The following JPH3 variants were observed in gnomAD, a reference collection of about 807,000 sequenced individuals.
JPH3 encodes the protein junctophilin 3, also known as junctophilin-3.
In JPH3, 11 loss-of-function variants were observed where a neutral mutation model predicts 59.6. The ratio of observed to expected loss-of-function variants is 0.18; its 90% CI spans 0.12 to 0.31. The LOEUF is 0.31. Ranked by LOEUF, JPH3 falls within the 10% of genes least tolerant of loss-of-function variation. The pLI is 1.00. For missense variants in JPH3, 1,202 were observed against 1,105.7 expected, an observed-to-expected ratio of 1.09 and a Z score of -1.24; for synonymous variants, 673 against 483.6, an observed-to-expected ratio of 1.39 and a Z score of -5.14.
At chr16:87,669,053 A>G (rs1051944858) in intron 2 of JPH3, among the ~76,000 whole-genome samples, 1 of 151,920 alleles carries the variant, frequency 6.6e-6, no homozygotes, top group African/African-American at 2.4e-5. Context: ...TAGTAAGGAA[A>G]TCGCCGCTGC....
At chr16:87,613,246 A>T (rs1328755325) in intron 1 of JPH3, among the ~76,000 whole-genome samples, 1 of 151,334 alleles carries the variant, frequency 6.6e-6, no homozygotes, top group Non-Finnish European at 1.5e-5. Context: ...ACAGGTACCC[A>T]CCACCACGTC....
chr16:87,604,892 T>C (rs1013010994), intron 1 of JPH3: 1 of 411,326 alleles, frequency 2.4e-6, no homozygotes. Context: ...GTTGTTTTCA[T>C]GGAGCAGGTT....
chr16:87,649,332 C>T (rs978245700), intron 2 of JPH3, among the ~76,000 whole-genome samples: 2 of 152,210 alleles, frequency 1.3e-5, no homozygotes, highest in Non-Finnish European at 2.9e-5. Context: ...ACACTCAAGA[C>T]GTTTTCATGA....
In JPH3 at chr16:87,603,411, C is replaced by G; in HGVS notation, c.265C>G (p.His89Asp). The G allele has an allele frequency of 1.3e-6, 2 of 1,589,926 alleles. No homozygotes were observed. The highest frequency in any genetic ancestry group is 1.7e-6 in the Non-Finnish European group (2 of 1,168,692). The change falls in exon 1 of 5, where the codon CAC (histidine) becomes GAC (aspartate). Residue 89 changes from histidine to aspartate, a missense_variant. By Grantham distance (81) the His-to-Asp change is moderately conservative. Transcript: ENST00000284262. ...GKWVYKGEWT[H>D]GFKGRYGVRE... Reference sequence around the variant, plus strand: ...GTGGGTGTACAAGGGCGAGTGGACGCACGGATTCAAGGGGCGCTACGGGGT... The same window carrying G: ...GTGGGTGTACAAGGGCGAGTGGACGGACGGATTCAAGGGGCGCTACGGGGT...
intron 1 of JPH3, among the ~76,000 whole-genome samples, chr16:87,639,731 T>A (rs2031881583): frequency 6.6e-6 from 1 of 152,098 alleles, no homozygotes; most frequent in Non-Finnish European, 1.5e-5. Context: ...GTCTGATGAC[T>A]CCAGGGACCC....
At chr16:87,648,029 G>A (rs1198639491) in intron 2 of JPH3, among the ~76,000 whole-genome samples, 2 of 152,198 alleles carry the variant, frequency 1.3e-5, no homozygotes, top group Non-Finnish European at 2.9e-5. Flanking sequence ...GCGTGGGGCC[G>A]GGCCTGTGGT....
At chr16:87,667,580 A>G (rs1413297136) in intron 2 of JPH3, among the ~76,000 whole-genome samples, 3 of 152,198 alleles carry the variant, frequency 2.0e-5, no homozygotes, top group Admixed American at 6.5e-5. Flanking sequence ...CATGACAGGC[A>G]GGGCCTGGCA....
chr16:87,616,190 TTGTGTGTGTGTGTGTGTG>T (rs56053716), intron 1 of JPH3, among the ~76,000 whole-genome samples: 27 of 116,018 alleles, frequency 2.3e-4, no homozygotes, highest in South Asian at 9.2e-4. Context: ...CAATCTGGTT[TTGTGTGTGTGTGTGTGTG>T]TGTGTGTGTG....
intron 1 of JPH3, among the ~76,000 whole-genome samples, chr16:87,640,353 C>A (rs76893415): frequency 0.18 from 27,953 of 151,208 alleles, 3,064 homozygotes; most frequent in East Asian, 0.38. Flanking sequence ...GTCCGGTTAC[C>A]TGTGCATGCC....
chr16:87,647,696 G>A (rs756666396), intron 2 of JPH3, among the ~76,000 whole-genome samples: 7 of 152,182 alleles, frequency 4.6e-5, no homozygotes, highest in African/African-American at 7.2e-5. Context: ...CCACACACAC[G>A]GCTCTGCACA....
chr16:87,610,943 C>G (rs1300888122), intron 1 of JPH3, among the ~76,000 whole-genome samples: 1 of 152,194 alleles, frequency 6.6e-6, no homozygotes, highest in East Asian at 1.9e-4. Flanking sequence ...GCTCCCTTTT[C>G]CTTGGCTTGA....
chr16:87,695,981 C>T (rs557604321), intron 4 of JPH3: 94 of 455,878 alleles, frequency 2.1e-4, no homozygotes, highest in Admixed American at 8.0e-4. Context: ...AGGACCATAA[C>T]CTAAATCCAA....
At chr16:87,678,207 C>T (rs1175931285) in intron 2 of JPH3, among the ~76,000 whole-genome samples, 1 of 152,086 alleles carries the variant, frequency 6.6e-6, no homozygotes, top group East Asian at 1.9e-4. Context: ...TGCCACTGCA[C>T]TCCAGCCTGG....
At chr16:87,672,098 C>A (rs993988425) in intron 2 of JPH3, among the ~76,000 whole-genome samples, 1 of 152,050 alleles carries the variant, frequency 6.6e-6, no homozygotes, top group African/African-American at 2.4e-5. Flanking sequence ...GCGGGGTTCA[C>A]CTGCTATCCC....
chr16:87,677,237 T>C (rs1224784386), intron 2 of JPH3, among the ~76,000 whole-genome samples: 1 of 55,470 alleles, frequency 1.8e-5, no homozygotes, highest in South Asian at 4.9e-4. Flanking sequence ...AAAAAAAAAA[T>C]TAGCCGGGTG....
At chr16:87,651,847 G>C (rs199865314) in intron 2 of JPH3, among the ~76,000 whole-genome samples, 1 of 152,392 alleles carries the variant, frequency 6.6e-6, no homozygotes, top group Admixed American at 6.5e-5. Context: ...AGCAGAGTTT[G>C]AGGGGATTGA....
In JPH3 at chr16:87,690,502, T is replaced by G. The variant is rs778252372; in HGVS notation, c.2142T>G (p.Asn714Lys). 20 of 1,483,538 alleles carry G rather than the reference T, an allele frequency of 1.3e-5. No homozygotes were observed. In the East Asian group the frequency reaches 4.5e-4, roughly 34 times the overall value. The allele number at this position is 1,483,538 out of a possible 1,614,324, so 91.9% of individuals were successfully genotyped here. The change falls in exon 4 of 5, where the codon AAT (asparagine) becomes AAG (lysine). Residue 714 changes from asparagine (N) to lysine (K), a missense_variant. Physicochemically the swap from Asn to Lys is moderately conservative, Grantham distance 94. Coordinates refer to ENST00000284262, the MANE Select transcript of JPH3 (RefSeq NM_020655.4). The stretch of plus-strand genomic sequence containing the variant: ...TCGCTCTAGAGTCCGACGAGGAGAA[T>G]GGGGATGAGCTCAAGTCCAGTACGG... The part of the protein sequence containing the change: ...LPVALESDEE[N>K]GDELKSSTGS...
intron 1 of JPH3, among the ~76,000 whole-genome samples, chr16:87,607,296 A>G (rs1469253224): frequency 6.6e-6 from 1 of 152,078 alleles, no homozygotes. Context: ...TACCCCCTCC[A>G]ATAAGCCCTC....
At chr16:87,624,661 C>G (rs1022423796) in intron 1 of JPH3, among the ~76,000 whole-genome samples, 9 of 152,248 alleles carry the variant, frequency 5.9e-5, no homozygotes, top group African/African-American at 1.9e-4. Context: ...TATCCTGAGT[C>G]GTGCTGCTGT....
Sources: allele counts gnomAD v4.1 joint callset (sites outside exome capture counted in the v4.1 genomes callset), GRCh38; gene constraint gnomAD v4.1.1; transcripts MANE v1.5; gene names NCBI Gene and HGNC (gene_info 2026-07-23, HGNC 2026-07-21).